SYCP1: variants seen among roughly 807,000 people sequenced by gnomAD.
The protein encoded by SYCP1 is synaptonemal complex protein 1, also known as cancer/testis antigen 8.
SYCP1 carries 64 observed loss-of-function variants against 153.1 expected under a neutral mutation model. That is an observed-to-expected ratio of 0.42 (90% CI 0.34 to 0.51). The LOEUF (loss-of-function observed/expected upper bound fraction) is 0.51. Ranked by LOEUF, SYCP1 falls within the 20% of genes least tolerant of loss-of-function variation. SYCP1 has a pLI of 0.06. For missense variants in SYCP1, 997 were observed against 1,049.0 expected (o/e 0.95, Z 0.68); for synonymous variants, 384 against 341.8 (o/e 1.12, Z -1.36).
intron 16 of SYCP1, among the ~76,000 whole-genome samples, chr1:114,904,780 T>C (rs1478295474): frequency 6.6e-6 from 1 of 152,260 alleles, no homozygotes; most frequent in East Asian, 1.9e-4. Context: ...ATCTTTGATA[T>C]CCTGATCTTA....
intron 30 of SYCP1, 96 bp from the exon 31 acceptor site, chr1:114,994,602 C>G (rs1674148514): frequency 2.3e-6 from 2 of 887,824 alleles, no homozygotes; most frequent in Non-Finnish European, 3.2e-6. Context: ...TCTTTCTACT[C>G]TTTGTTCTCC....
intron 8 of SYCP1, among the ~76,000 whole-genome samples, chr1:114,865,685 C>T (rs1162352841): frequency 6.6e-6 from 1 of 151,888 alleles, no homozygotes; most frequent in African/African-American, 2.4e-5. Context: ...AATTGATGAA[C>T]CTACATAGGC....
chr1:114,948,347 G>A (rs548181818), intron 27 of SYCP1, among the ~76,000 whole-genome samples: 3 of 152,014 alleles, frequency 2.0e-5, no homozygotes, highest in Non-Finnish European at 4.4e-5. Flanking sequence ...TTTGACAGAG[G>A]TTACATTATT....
chr1:114,945,059 A>T, intron 25 of SYCP1, 77 bp downstream of exon 25: 1 of 1,054,076 alleles, frequency 9.5e-7, no homozygotes, highest in Non-Finnish European at 1.4e-6. Context: ...AAATCAAGAT[A>T]GTATTCTTAT....
intron 14 of SYCP1, 50 bp downstream of exon 14, chr1:114,886,359 T>A (rs1432156095): frequency 1.4e-6 from 2 of 1,397,144 alleles, no homozygotes; most frequent in Non-Finnish European, 1.9e-6. Flanking sequence ...TAAAAACAAT[T>A]TACTTTTAAT....
At chr1:114,860,673 T>TGG (rs1664307261) in intron 7 of SYCP1, 63 bp from the exon 8 acceptor site, 1 of 1,033,176 alleles carries the variant, frequency 9.7e-7, no homozygotes, top group East Asian at 2.5e-5. Context: ...TTTCATAACT[T>TGG]ATATATTGTG....
intron 11 of SYCP1, 54 bp downstream of exon 11, chr1:114,876,864 A>G: frequency 9.4e-7 from 1 of 1,065,342 alleles, no homozygotes; most frequent in South Asian, 3.1e-5. Context: ...TTCATTAAAA[A>G]CTTAAAATTT....
Position 114,926,554 on chromosome 1 carries a change from T to C in SYCP1, c.1917T>C (p.Tyr639=), listed in dbSNP as rs909543663. 9 of 1,598,146 alleles carry C rather than the reference T, an allele frequency of 5.6e-6. No homozygotes were observed. The highest frequency in any genetic ancestry group is 3.3e-4 in the Middle Eastern group (2 of 5,984). ...CAGAAAGCAAGCAACTGAATGTTTA[T>C]GAGATAAAGGTATTTGGCATCTTTA... The part of the protein sequence containing the change: ...GTAESKQLNV[Y]EIKVNKLELE... Residue 639 remains tyrosine (Y), a synonymous_variant, in exon 23 of 32, where the codon TAT becomes TAC. Transcript: ENST00000369522.
chr1:114,918,549 A>C (rs1356119496), intron 20 of SYCP1, among the ~76,000 whole-genome samples: 1 of 152,016 alleles, frequency 6.6e-6, no homozygotes, highest in Non-Finnish European at 1.5e-5. Context: ...ATTTTGATAG[A>C]GATTGCATTG....
chr1:114,911,453 C>A, intron 17 of SYCP1, 26 bp from the exon 18 acceptor site: 1 of 1,492,600 alleles, frequency 6.7e-7, no homozygotes, highest in South Asian at 1.4e-5. Flanking sequence ...AAACACTTGC[C>A]ATAGTTATAT....
rs372836227 is a variant in SYCP1 at position 114,909,340 on chromosome 1, AC to A, written c.1321-1056del. Among the ~76,000 whole-genome samples the A allele has an allele frequency of 4.9e-3, 742 of 152,110 alleles. 8 individuals are homozygous for A. Among genetic ancestry groups the A allele is most frequent in the African/African-American group, 0.017 (695 of 41,464 alleles). ...TTAGCAGTGACATTTCACCATTGGG[AC>A]AAAGCTACCAAAACTGACAAACTCA... On this transcript the variant is annotated intron_variant, in intron 16 of 31. Coordinates refer to ENST00000369522, the MANE Select transcript of SYCP1 (RefSeq NM_003176.4).
At position 114,856,564 on chromosome 1, in the gene SYCP1, T is replaced by C; in HGVS notation, c.109-9T>C. On this transcript the variant is annotated splice_polypyrimidine_tract_variant and intron_variant, in intron 2 of 31. Transcript: ENST00000369522. The stretch of plus-strand genomic sequence containing the variant: ...AACAGAATATTTAAGAACTTCTTTG[T>C]GTCTCTAGAGTTTCAACAAATGTAC... 1 of 1,601,750 alleles carries C rather than the reference T, an allele frequency of 6.2e-7. No individual in the cohort carries two copies. The highest frequency in any genetic ancestry group is 8.5e-7 in the Non-Finnish European group (1 of 1,172,330).
At chr1:114,946,055 T>C (rs1295272736) in intron 25 of SYCP1, among the ~76,000 whole-genome samples, 1 of 152,144 alleles carries the variant, frequency 6.6e-6, no homozygotes. Flanking sequence ...TCTTTGGTTA[T>C]TTCCAAGACT....
chr1:114,921,416 C>G (rs1381230964), intron 20 of SYCP1, among the ~76,000 whole-genome samples: 1 of 151,982 alleles, frequency 6.6e-6, no homozygotes, highest in Non-Finnish European at 1.5e-5. Flanking sequence ...CGGTGGCTCA[C>G]TCCTGTAATC....
chr1:114,855,458 A>G lies in SYCP1; in HGVS notation c.-7A>G, dbSNP rs761248702. 6.2e-7 allele frequency: 1 copy of G among 1,608,196 alleles called. No individual in the cohort carries two copies. Among genetic ancestry groups the G allele is most frequent in the East Asian group, 2.2e-5 (1 of 44,696 alleles). ...GGCAGTAGATATTTACAACCGTAAC[A>G]GAGAAAATGGAAAAGCAAAAGCCCT... is the stretch of plus-strand genomic sequence containing the variant. On this transcript the variant is annotated 5_prime_UTR_variant, in exon 2 of 32. Transcript: ENST00000369522.
At chr1:114,978,883 TAATGA>T (rs1369716465) in intron 28 of SYCP1, among the ~76,000 whole-genome samples, 2 of 151,654 alleles carry the variant, frequency 1.3e-5, no homozygotes, top group African/African-American at 4.8e-5. Flanking sequence ...AGGAAGTATC[TAATGA>T]ATATAAGCAA....
intron 15 of SYCP1, among the ~76,000 whole-genome samples, chr1:114,888,678 A>C (rs1666480710): frequency 6.6e-6 from 1 of 152,054 alleles, no homozygotes; most frequent in South Asian, 2.1e-4. Flanking sequence ...TAGTGTTTTA[A>C]ATCATTATAT....
chr1:114,882,542 G>T (rs1209169418), intron 12 of SYCP1, among the ~76,000 whole-genome samples: 1 of 151,626 alleles, frequency 6.6e-6, no homozygotes, highest in Non-Finnish European at 1.5e-5. Flanking sequence ...AACCATAGCT[G>T]TTTTATAGTC....
At chr1:114,944,000 CAT>C (rs1670538280) in intron 23 of SYCP1, among the ~76,000 whole-genome samples, 1 of 151,826 alleles carries the variant, frequency 6.6e-6, no homozygotes, top group Non-Finnish European at 1.5e-5. Flanking sequence ...CTTTGAATCA[CAT>C]GAGTTTTCTG....
Sources: allele counts gnomAD v4.1 joint callset (sites outside exome capture counted in the v4.1 genomes callset), GRCh38; gene constraint gnomAD v4.1.1; transcripts MANE v1.5; gene names NCBI Gene and HGNC (gene_info 2026-07-23, HGNC 2026-07-21).